TBC1D31: variants seen among roughly 807,000 people sequenced by gnomAD.
The protein encoded by TBC1D31 is TBC1 domain family member 31.
Under a neutral mutation model 132.9 loss-of-function variants are expected in TBC1D31, and 99 were observed. That is an observed-to-expected ratio of 0.74 (90% CI 0.63 to 0.88). The LOEUF (loss-of-function observed/expected upper bound fraction) is 0.88, where lower values mean the gene tolerates loss of function less well. TBC1D31 is among the 40% of genes least tolerant of loss of function. The pLI, the probability that TBC1D31 is intolerant of heterozygous loss-of-function variation, is 0.00. For synonymous variants in TBC1D31, 385 were observed against 419.4 expected, an observed-to-expected ratio of 0.92 and a Z score of 1.00; for missense variants, 1,134 against 1,256.6, an observed-to-expected ratio of 0.90 and a Z score of 1.48.
Position 123,144,760 on chromosome 8 carries a change from A to G in TBC1D31, c.2879A>G (p.Lys960Arg), listed in dbSNP as rs927566114. 2.5e-6 allele frequency: 4 copies of G among 1,612,540 alleles called. No homozygotes were observed. The highest frequency in any genetic ancestry group is 1.1e-5 in the South Asian group (1 of 90,536). ...AAAGAGTTCCGTTTGAGATCAGCAA[A>G]GAAAGCTTCTGCTCTTTCAGATGCG... ...EGKEFRLRSA[K>R]KASALSDASR... The change falls in exon 20 of 22, where the codon AAG becomes AGG. Residue 960 changes from lysine to arginine, a missense_variant. Coordinates refer to ENST00000287380, the MANE Select transcript of TBC1D31 (RefSeq NM_145647.4).
At chr8:123,074,371 C>A (rs1188250790) in intron 1 of TBC1D31, among the ~76,000 whole-genome samples, 3 of 152,168 alleles carry the variant, frequency 2.0e-5, no homozygotes, top group African/African-American at 7.2e-5. Context: ...CGATGCGAGA[C>A]GTTTTACCAG....
In TBC1D31 at chr8:123,128,532, T is replaced by C; in HGVS notation, c.2117+19T>C. On this transcript the variant is annotated intron_variant, in intron 14 of 21. Coordinates refer to ENST00000287380, the MANE Select transcript of TBC1D31 (RefSeq NM_145647.4). ...GAGAGAGGTAATTATGGAATAGTTT[T>C]TCTTTTTCTGATACAATGAAATATG... 1 of 1,507,918 alleles carries C rather than the reference T, an allele frequency of 6.6e-7. No homozygotes were observed. The highest frequency in any genetic ancestry group is 9.2e-7 in the Non-Finnish European group (1 of 1,088,302). 93.4% of individuals were successfully genotyped at this position (1,507,918 alleles called of 1,614,324 possible).
At chr8:123,129,670 C>T (rs1036485895) in intron 15 of TBC1D31, among the ~76,000 whole-genome samples, 2 of 152,026 alleles carry the variant, frequency 1.3e-5, no homozygotes, top group African/African-American at 4.8e-5. Flanking sequence ...GTATTAAATG[C>T]GTATTCAAAA....
chr8:123,081,540 A>G (rs1815147169), intron 2 of TBC1D31, among the ~76,000 whole-genome samples: 1 of 152,252 alleles, frequency 6.6e-6, no homozygotes, highest in South Asian at 2.1e-4. Flanking sequence ...ATAATTTTTA[A>G]TTGATTAAAT....
At chr8:123,085,449 G>T (rs1417506797) in intron 4 of TBC1D31, among the ~76,000 whole-genome samples, 1 of 152,044 alleles carries the variant, frequency 6.6e-6, no homozygotes, top group African/African-American at 2.4e-5. Context: ...TTGTTTGTTT[G>T]TTTGAGATGG....
At chr8:123,130,164 G>A (rs1289170268) in intron 15 of TBC1D31, 34 bp from the exon 16 acceptor site, 2 of 1,591,752 alleles carry the variant, frequency 1.3e-6, no homozygotes, top group South Asian at 1.1e-5. Context: ...AGGAATTGCT[G>A]TATTTGTTCC....
At chr8:123,097,563 T>C in intron 6 of TBC1D31, 122 bp downstream of exon 6, 2 of 1,198,430 alleles carry the variant, frequency 1.7e-6, no homozygotes, top group South Asian at 3.5e-5. Flanking sequence ...AAATTACAAA[T>C]ATGTTATTTT....
At chr8:123,116,017 AATTTAT>A (rs1387786412) in intron 10 of TBC1D31, among the ~76,000 whole-genome samples, 1 of 152,212 alleles carries the variant, frequency 6.6e-6, no homozygotes, top group Non-Finnish European at 1.5e-5. Context: ...TCAGAAAAAT[AATTTAT>A]ATTTAAACAG....
intron 6 of TBC1D31, among the ~76,000 whole-genome samples, chr8:123,098,071 A>C (rs1009650563): frequency 4.6e-5 from 7 of 152,166 alleles, no homozygotes; most frequent in African/African-American, 1.7e-4. Context: ...TATGTTTTAC[A>C]TATATATGTA....
At chr8:123,079,924 G>A (rs1335765806) in intron 2 of TBC1D31, among the ~76,000 whole-genome samples, 2 of 152,008 alleles carry the variant, frequency 1.3e-5, no homozygotes, top group African/African-American at 4.8e-5. Context: ...CCCTATCTTC[G>A]ATAGCCTCTC....
chr8:123,106,638 C>CT (rs1185022127), intron 8 of TBC1D31, among the ~76,000 whole-genome samples: 2 of 152,090 alleles, frequency 1.3e-5, no homozygotes, highest in East Asian at 3.8e-4. Context: ...ATTGTAACTT[C>CT]TTTTTTCTTT....
chr8:123,111,974 C>T (rs1401533189), intron 10 of TBC1D31, among the ~76,000 whole-genome samples: 1 of 152,186 alleles, frequency 6.6e-6, no homozygotes, highest in Non-Finnish European at 1.5e-5. Context: ...CCCCCTTAGC[C>T]TCCCAAGTAG....
chr8:123,162,035 A>G, the TBC1D31 span, among the ~76,000 whole-genome samples: 2 of 151,832 alleles, frequency 1.3e-5, no homozygotes, highest in South Asian at 4.2e-4. Context: ...AAAAAAAAAA[A>G]AAAAGTACCC....
the TBC1D31 span, among the ~76,000 whole-genome samples, chr8:123,161,091 C>G: frequency 6.6e-6 from 1 of 152,070 alleles, no homozygotes; most frequent in Non-Finnish European, 1.5e-5. Context: ...AGGCCTGGCC[C>G]GTAGAGAGTG....
chr8:123,146,499 T>C (rs1822223056), intron 20 of TBC1D31, among the ~76,000 whole-genome samples: 1 of 152,230 alleles, frequency 6.6e-6, no homozygotes, highest in Non-Finnish European at 1.5e-5. Flanking sequence ...TACCAGTACT[T>C]CATTCCTTTT....
intron 2 of TBC1D31, among the ~76,000 whole-genome samples, chr8:123,080,514 TTC>T (rs1431876845): frequency 7.7e-5 from 6 of 78,368 alleles, no homozygotes; most frequent in African/African-American, 1.3e-4. Context: ...AGCTTTTCTT[TTC>T]TTTTCTTTTA....
intron 6 of TBC1D31, among the ~76,000 whole-genome samples, chr8:123,099,677 AC>A (rs1427482908): frequency 6.6e-6 from 1 of 151,914 alleles, no homozygotes; most frequent in African/African-American, 2.4e-5. Flanking sequence ...CAAACCCTCC[AC>A]CCTCCTTGTT....
chr8:123,162,192 C>A, the TBC1D31 span, among the ~76,000 whole-genome samples: 1 of 151,940 alleles, frequency 6.6e-6, no homozygotes, highest in Non-Finnish European at 1.5e-5. Flanking sequence ...GAATACTATC[C>A]CCCTACAGTA....
rs756280538 is a variant in TBC1D31 at position 123,144,856 on chromosome 8, G to C, written c.2974+1G>C. 2.4e-5 allele frequency: 38 copies of C among 1,609,336 alleles called. No homozygotes were observed. The highest frequency in any genetic ancestry group is 3.3e-5 in the South Asian group (3 of 89,598). ...CATGCTGAAAATCCATGTCATAAAG[G>C]TGAGTGTCTGAGAGGCCTTTCTCTC... is the stretch of plus-strand genomic sequence containing the variant. On this transcript the variant is annotated splice_donor_variant, in intron 20 of 21. Transcript: ENST00000287380. LOFTEE classifies it high-confidence loss of function.
Sources: gnomAD v4.1 joint callset for allele counts (sites outside exome capture counted in the v4.1 genomes callset) on GRCh38, gnomAD v4.1.1 for gene constraint, MANE v1.5 for transcripts, NCBI Gene and HGNC (gene_info 2026-07-23, HGNC 2026-07-21) for gene names.